The following ZDHHC14 variants were observed in gnomAD, a reference collection of about 807,000 sequenced individuals.
ZDHHC14 encodes palmitoyltransferase ZDHHC14.
A neutral mutation model predicts 47.7 loss-of-function variants in ZDHHC14; 16 were observed. That is an observed-to-expected ratio of 0.34 (90% CI 0.23 to 0.51). The LOEUF (loss-of-function observed/expected upper bound fraction) is 0.51. Ranked by LOEUF, ZDHHC14 falls within the 20% of genes least tolerant of loss-of-function variation. ZDHHC14 has a pLI of 0.97. For synonymous variants in ZDHHC14, 293 were observed against 278.9 expected, an observed-to-expected ratio of 1.05 and a Z score of -0.50; for missense variants, 515 against 662.5, an observed-to-expected ratio of 0.78 and a Z score of 2.44.
chr6:157,484,599 C>A (rs183225306), intron 1 of ZDHHC14, among the ~76,000 whole-genome samples: 1,953 of 150,722 alleles, frequency 0.013, 14 homozygotes, highest in Non-Finnish European at 0.014. Context: ...GGAAAAAAAA[C>A]CAGTTTTTCC....
At chr6:157,414,502 C>T (rs1237418098) in intron 1 of ZDHHC14, among the ~76,000 whole-genome samples, 1 of 152,106 alleles carries the variant, frequency 6.6e-6, no homozygotes, top group African/African-American at 2.4e-5. Context: ...GGAAGGGGAG[C>T]CTGAGGAAGT....
intron 1 of ZDHHC14, among the ~76,000 whole-genome samples, chr6:157,528,604 T>C (rs1007908867): frequency 5.3e-5 from 8 of 151,956 alleles, no homozygotes; most frequent in African/African-American, 1.9e-4. Context: ...TGGTGGCAGG[T>C]GCCTGTAGTC....
chr6:157,462,797 G>A (rs947748993), intron 1 of ZDHHC14, among the ~76,000 whole-genome samples: 6 of 152,272 alleles, frequency 3.9e-5, no homozygotes, highest in Non-Finnish European at 5.9e-5. Context: ...GGAGGGCCTG[G>A]CGGGGGCCTC....
intron 1 of ZDHHC14, among the ~76,000 whole-genome samples, chr6:157,465,105 C>CTTTTTTT (rs772080368): frequency 1.9e-4 from 19 of 101,966 alleles, no homozygotes; most frequent in African/African-American, 2.7e-4. Flanking sequence ...TCTCTTTCTC[C>CTTTTTTT]TTTTTTTTTT....
chr6:157,455,584 A>G (rs1483985281), intron 1 of ZDHHC14, among the ~76,000 whole-genome samples: 1 of 152,176 alleles, frequency 6.6e-6, no homozygotes. Context: ...GTTGTTTTCT[A>G]GATCCTGGAG....
intron 2 of ZDHHC14, among the ~76,000 whole-genome samples, chr6:157,548,997 A>G (rs1391889834): frequency 6.6e-6 from 1 of 152,156 alleles, no homozygotes; most frequent in Non-Finnish European, 1.5e-5. Context: ...ATCCTGTTAT[A>G]CCTGTGAGGA....
chr6:157,468,377 C>CT (rs1325798281), intron 1 of ZDHHC14, among the ~76,000 whole-genome samples: 2 of 152,232 alleles, frequency 1.3e-5, no homozygotes, highest in African/African-American at 2.4e-5. Context: ...TTACATCCTT[C>CT]TGTTGTTAAA....
intron 1 of ZDHHC14, among the ~76,000 whole-genome samples, chr6:157,387,298 C>A (rs1777331741): frequency 6.6e-6 from 1 of 151,578 alleles, no homozygotes; most frequent in Non-Finnish European, 1.5e-5. Context: ...GAAGATGGAA[C>A]TTGGGGCTAT....
intron 3 of ZDHHC14, among the ~76,000 whole-genome samples, chr6:157,621,469 T>G (rs1785183325): frequency 6.6e-6 from 1 of 152,196 alleles, no homozygotes; most frequent in Non-Finnish European, 1.5e-5. Context: ...CCATCTATTT[T>G]CCACCAGATT....
At chr6:157,552,833 G>A (rs1782293030) in intron 2 of ZDHHC14, among the ~76,000 whole-genome samples, 1 of 152,184 alleles carries the variant, frequency 6.6e-6, no homozygotes, top group South Asian at 2.1e-4. Context: ...GCAAGTTTTT[G>A]GTGGCTGGAG....
At chr6:157,606,588 G>A (rs377092120) in intron 3 of ZDHHC14, among the ~76,000 whole-genome samples, 17 of 152,342 alleles carry the variant, frequency 1.1e-4, no homozygotes, top group South Asian at 4.1e-4. Context: ...CCAGTGGTCC[G>A]CCCCATGGCC....
At chr6:157,423,265 T>C (rs2114772474) in intron 1 of ZDHHC14, among the ~76,000 whole-genome samples, 1 of 152,336 alleles carries the variant, frequency 6.6e-6, no homozygotes, top group Non-Finnish European at 1.5e-5. Context: ...TAGTCACAGC[T>C]GAAGGAACTG....
At chr6:157,551,770 C>T (rs1462443506) in intron 2 of ZDHHC14, among the ~76,000 whole-genome samples, 1 of 152,190 alleles carries the variant, frequency 6.6e-6, no homozygotes, top group Non-Finnish European at 1.5e-5. Context: ...CTACTTTGAG[C>T]GTTCTGTTTA....
At chr6:157,442,783 A>G (rs1429471054) in intron 1 of ZDHHC14, among the ~76,000 whole-genome samples, 1 of 152,240 alleles carries the variant, frequency 6.6e-6, no homozygotes, top group Non-Finnish European at 1.5e-5. Context: ...CTTACTCAGC[A>G]GGTACGCTCT....
At chr6:157,407,070 G>A (rs1379473207) in intron 1 of ZDHHC14, among the ~76,000 whole-genome samples, 2 of 152,188 alleles carry the variant, frequency 1.3e-5, no homozygotes, top group East Asian at 3.8e-4. Flanking sequence ...ACACATTATG[G>A]GCTAGGAATT....
chr6:157,557,204 G>T (rs1311748394), intron 2 of ZDHHC14, among the ~76,000 whole-genome samples: 2 of 152,204 alleles, frequency 1.3e-5, no homozygotes, highest in Non-Finnish European at 2.9e-5. Context: ...ACAGCCTCTC[G>T]CACGCTGTAG....
intron 1 of ZDHHC14, among the ~76,000 whole-genome samples, chr6:157,439,805 T>A (rs1160291850): frequency 6.6e-6 from 1 of 152,198 alleles, no homozygotes; most frequent in Non-Finnish European, 1.5e-5. Flanking sequence ...GTGGTGCATA[T>A]ATACCATGGA....
chr6:157,450,837 C>T (rs1362441926), intron 1 of ZDHHC14, among the ~76,000 whole-genome samples: 3 of 152,172 alleles, frequency 2.0e-5, no homozygotes, highest in Non-Finnish European at 4.4e-5. Flanking sequence ...ATTCTTCAGC[C>T]ATATTTCCTC....
intron 1 of ZDHHC14, among the ~76,000 whole-genome samples, chr6:157,425,596 G>A (rs1301087707): frequency 6.6e-6 from 1 of 152,184 alleles, no homozygotes; most frequent in Admixed American, 6.5e-5. Context: ...ATCATGTTAG[G>A]AAATTATCCA....
Sources: gnomAD v4.1 joint callset for allele counts (sites outside exome capture counted in the v4.1 genomes callset) on GRCh38, gnomAD v4.1.1 for gene constraint, MANE v1.5 for transcripts, NCBI Gene and HGNC (gene_info 2026-07-23, HGNC 2026-07-21) for gene names.